The following SNU13 variants were observed in gnomAD, a reference collection of about 807,000 sequenced individuals.
SNU13 encodes the protein small nuclear ribonucleoprotein 13.
Under a neutral mutation model 12.4 loss-of-function variants are expected in SNU13, and 2 were observed. That is an observed-to-expected ratio of 0.16 (90% CI 0.07 to 0.51). SNU13 has a LOEUF of 0.51. SNU13 is among the 20% of genes least tolerant of loss of function. The pLI is 0.96. For missense variants in SNU13, 66 were observed against 157.8 expected (o/e 0.42, Z 3.12); for synonymous variants, 68 against 66.5 (o/e 1.02, Z -0.11).
At chr22:41,686,355 A>C (rs1438947608) in intron 1 of SNU13, among the ~76,000 whole-genome samples, 1 of 145,430 alleles carries the variant, frequency 6.9e-6, no homozygotes, top group Non-Finnish European at 1.5e-5. Context: ...CCCAGGCTGG[A>C]GTGCAGTGGC....
At chr22:41,679,828 A>T (rs1187522554) in intron 2 of SNU13, 1 of 153,016 alleles carries the variant, frequency 6.5e-6, no homozygotes, top group Non-Finnish European at 1.5e-5. Flanking sequence ...GAATAATTGC[A>T]TCCAAAAAAA....
rs1217922137 is a variant in SNU13, at chr22:41,688,814, C to T, written c.-18G>A. On this transcript the variant is annotated 5_prime_UTR_variant, in exon 1 of 3. Coordinates refer to ENST00000401959, the MANE Select transcript of SNU13 (RefSeq NM_001003796.2). ...CTCACCATGGCTGCGGTTCCGCGGG[C>T]TCAGCACTCCTAGGGGAGCGCAGCT... 5 of 1,600,200 alleles carry T rather than the reference C, an allele frequency of 3.1e-6. No homozygotes were observed. The highest frequency in any genetic ancestry group is 2.2e-5 in the South Asian group (2 of 90,514).
At chr22:41,682,292 A>G (rs1484495928) in intron 1 of SNU13, 7 of 1,524,572 alleles carry the variant, frequency 4.6e-6, no homozygotes, top group Non-Finnish European at 2.7e-6. Context: ...CAGCGGGACC[A>G]CGCTCGCGGC....
chr22:41,688,781 C>T lies in SNU13; in HGVS notation c.3+13G>A. ...TCCCGCTTCCCGGTCCCTCGGCCGG[C>T]GCACGCACTCACCATGGCTGCGGTT... On this transcript the variant is annotated intron_variant, in intron 1 of 2. Transcript: ENST00000401959. 6.2e-7 allele frequency: 1 copy of T among 1,601,484 alleles called. No homozygotes were observed.
At chr22:41,683,309 C>T (rs181712956) in intron 1 of SNU13, among the ~76,000 whole-genome samples, 2 of 152,132 alleles carry the variant, frequency 1.3e-5, no homozygotes, top group South Asian at 4.2e-4. Flanking sequence ...CTTATTTTTT[C>T]GATTAATCTT....
In SNU13 at chr22:41,680,320, G is replaced by C; in HGVS notation, c.48C>G (p.Ala16=). 2 of 1,614,054 alleles carry C rather than the reference G, an allele frequency of 1.2e-6. No homozygotes were observed. The highest frequency in any genetic ancestry group is 1.7e-6 in the Non-Finnish European group (2 of 1,179,970). ...GGTCCAGTAGCTTCTTGGTGAGGTG[G>C]GCATCGGCAAGGGGATAGGCCTTTG... is the stretch of plus-strand genomic sequence containing the variant. ...VNPKAYPLAD[A]HLTKKLLDLV... Residue 16 remains alanine, a synonymous_variant, in exon 2 of 3, where the codon GCC becomes GCG. Coordinates refer to ENST00000401959, the MANE Select transcript of SNU13 (RefSeq NM_001003796.2).
upstream of SNU13, chr22:41,689,078 C>T (rs2068338752): frequency 8.5e-7 from 1 of 1,170,562 alleles, no homozygotes; most frequent in South Asian, 3.6e-5. Flanking sequence ...AAGTAACCCA[C>T]CGGCCGGCCG....
chr22:41,677,393 C>T (rs768435791), intron 2 of SNU13, among the ~76,000 whole-genome samples: 1 of 151,988 alleles, frequency 6.6e-6, no homozygotes, highest in African/African-American at 2.4e-5. Flanking sequence ...GGTGTGGTGG[C>T]GTACACCTGT....
chr22:41,680,459 A>G, intron 1 of SNU13, 95 bp from the exon 2 acceptor site: 1 of 1,368,734 alleles, frequency 7.3e-7, no homozygotes, highest in Non-Finnish European at 1.0e-6. Flanking sequence ...CACAGGGGGC[A>G]GCTGCCCTGC....
intron 1 of SNU13, chr22:41,682,593 A>T: frequency 7.0e-7 from 1 of 1,433,544 alleles, no homozygotes; most frequent in Non-Finnish European, 9.1e-7. Context: ...GACAACTAGG[A>T]AGAATTAGGT....
chr22:41,681,823 G>A (rs1020661145), intron 1 of SNU13, among the ~76,000 whole-genome samples: 3 of 152,074 alleles, frequency 2.0e-5, no homozygotes, highest in Admixed American at 1.3e-4. Flanking sequence ...TGCAATGAGC[G>A]GAGATGGCGC....
chr22:41,674,587 G>A lies in SNU13; in HGVS notation c.*346C>T, dbSNP rs2068194236. The stretch of plus-strand genomic sequence containing the variant: ...CACCACACCCCGCACACAACAGGAA[G>A]CTAGTGGCTGAAAGCTGGAACCAGA... On this transcript the variant is annotated 3_prime_UTR_variant, in exon 3 of 3. Transcript: ENST00000401959. 2 of 280,022 alleles carry A rather than the reference G, an allele frequency of 7.1e-6. No individual in the cohort carries two copies. The highest frequency in any genetic ancestry group is 1.4e-5 in the Non-Finnish European group (2 of 144,846). The allele number at this position is 280,022 out of a possible 1,614,324, so 17.3% of individuals were successfully genotyped here.
At chr22:41,687,113 C>T (rs2068317252) in intron 1 of SNU13, among the ~76,000 whole-genome samples, 3 of 151,866 alleles carry the variant, frequency 2.0e-5, no homozygotes, top group South Asian at 2.1e-4. Context: ...CCCACCACCA[C>T]GCCTGGCTAA....
intron 2 of SNU13, among the ~76,000 whole-genome samples, chr22:41,678,875 A>C (rs73424954): frequency 0.01 from 1,531 of 152,352 alleles, 20 homozygotes; most frequent in African/African-American, 0.035. Flanking sequence ...TCTCAAACAC[A>C]GTTGACAAAA....
At chr22:41,678,645 G>A (rs548952547) in intron 2 of SNU13, among the ~76,000 whole-genome samples, 2 of 152,190 alleles carry the variant, frequency 1.3e-5, no homozygotes, top group South Asian at 4.2e-4. Flanking sequence ...TCACATCCCT[G>A]CCCAGCCAAG....
chr22:41,679,095 A>T (rs2068238983), intron 2 of SNU13, among the ~76,000 whole-genome samples: 1 of 151,652 alleles, frequency 6.6e-6, no homozygotes, highest in South Asian at 2.1e-4. Context: ...CTGTCTCCAA[A>T]AAAATAAAAT....
intron 1 of SNU13, chr22:41,682,379 C>T: frequency 6.2e-7 from 1 of 1,614,060 alleles, no homozygotes; most frequent in Non-Finnish European, 8.5e-7. Context: ...TTGGTAGTCT[C>T]TTGCCGGACA....
intron 1 of SNU13, among the ~76,000 whole-genome samples, chr22:41,684,945 A>G (rs1436353463): frequency 1.3e-5 from 2 of 152,180 alleles, no homozygotes; most frequent in African/African-American, 4.8e-5. Context: ...TCTTGAGGTC[A>G]GGAGTTCAAG....
At chr22:41,678,136 C>T (rs1188261211) in intron 2 of SNU13, among the ~76,000 whole-genome samples, 1 of 152,048 alleles carries the variant, frequency 6.6e-6, no homozygotes, top group African/African-American at 2.4e-5. Context: ...CCACCACGCC[C>T]GGCTAATTTT....
Sources: allele counts gnomAD v4.1 joint callset (sites outside exome capture counted in the v4.1 genomes callset), GRCh38; gene constraint gnomAD v4.1.1; transcripts MANE v1.5; gene names NCBI Gene and HGNC (gene_info 2026-07-23, HGNC 2026-07-21).